ABCC11: variants seen among roughly 807,000 people sequenced by gnomAD.
ABCC11 encodes ATP binding cassette subfamily C member 11.
Under a neutral mutation model 149.3 loss-of-function variants are expected in ABCC11, and 135 were observed. The ratio of observed to expected loss-of-function variants is 0.90; its 90% CI spans 0.79 to 1.04. The LOEUF is 1.04. Among genes scored for constraint, ABCC11 ranks in the 50% least tolerant of loss-of-function variants. The pLI is 0.00. For missense variants in ABCC11, 1,680 were observed against 1,722.1 expected, an observed-to-expected ratio of 0.98 and a Z score of 0.43; for synonymous variants, 665 against 671.4, an observed-to-expected ratio of 0.99 and a Z score of 0.15.
intron 23 of ABCC11, 105 bp downstream of exon 23, chr16:48,184,335 C>A: frequency 7.3e-7 from 1 of 1,375,254 alleles, no homozygotes; most frequent in Non-Finnish European, 9.9e-7. Flanking sequence ...GTGGCCAGAG[C>A]CTAAGGTGTC....
chr16:48,184,467 T>C lies in ABCC11; in HGVS notation c.3231A>G (p.Lys1077=). 1.2e-6 allele frequency: 2 copies of C among 1,614,140 alleles called. No homozygotes were observed. The highest frequency in any genetic ancestry group is 1.7e-6 in the Non-Finnish European group (2 of 1,180,016). The change falls in exon 23 of 30, where the codon AAA becomes AAG. Residue 1077 remains lysine, a synonymous_variant. Transcript: ENST00000356608. ...FGISSTPYSF[K]VMAVNIVLQL... is the part of the protein sequence containing the mutation. Reference sequence around the variant, plus strand: ...GCAGCACGATGTTGACAGCCATGACTTTAAAGGAGTAGGGGGTGGAGGAAA... The same window carrying C: ...GCAGCACGATGTTGACAGCCATGACCTTAAAGGAGTAGGGGGTGGAGGAAA...
Position 48,200,378 on chromosome 16 carries a change from G to C in ABCC11, c.1980C>G (p.Pro660=). The change falls in exon 15 of 30, where the codon CCC becomes CCG. Residue 660 remains proline (P), a synonymous_variant. Transcript: ENST00000356608. ...SDRQIYLLDD[P]LSAVDAHVGK... is the part of the protein sequence containing the mutation. ...CCACGTGGGCGTCCACAGCAGACAG[G>C]GGGTCGTCCAGCAGGTAGATCTGAC... 1 of 1,614,246 alleles carries C rather than the reference G, an allele frequency of 6.2e-7. No homozygotes were observed. The highest frequency in any genetic ancestry group is 8.5e-7 in the Non-Finnish European group (1 of 1,180,044).
At chr16:48,220,858 GAGAC>G (rs1969687446) in intron 6 of ABCC11, among the ~76,000 whole-genome samples, 1 of 152,208 alleles carries the variant, frequency 6.6e-6, no homozygotes, top group African/African-American at 2.4e-5. Flanking sequence ...GGCCTTTTGA[GAGAC>G]AGAGTGGTGA....
In ABCC11 at chr16:48,166,215, G is replaced by A. The variant is rs1376057376; in HGVS notation, c.*1059C>T. 6.6e-6 allele frequency among the ~76,000 whole-genome samples: 1 copy of A among 152,202 alleles called. No homozygotes were observed. The highest frequency in any genetic ancestry group is 2.4e-5 in the African/African-American group (1 of 41,444). On this transcript the variant is annotated 3_prime_UTR_variant, in exon 30 of 30. Transcript: ENST00000356608. Reference sequence around the variant, plus strand: ...CCTGGCAAATCACAGTATGCCAACAGCCTAGCACATGATTGATCAGGAACA... The same window carrying A: ...CCTGGCAAATCACAGTATGCCAACAACCTAGCACATGATTGATCAGGAACA...
Position 48,244,889 on chromosome 16 carries a change from T to C in ABCC11, c.-19+2425A>G, listed in dbSNP as rs184304392. On this transcript the variant is annotated intron_variant, in intron 1 of 29. Transcript: ENST00000356608. ...CTGGATAATTTAATTTGAATCCTCTTCCCCCTCTCCGCAATTCCTCGCCCT... is the reference window on the plus strand; with the variant it reads ...CTGGATAATTTAATTTGAATCCTCTCCCCCCTCTCCGCAATTCCTCGCCCT... 3.4e-3 allele frequency among the ~76,000 whole-genome samples: 523 copies of C among 152,276 alleles called. 2 individuals are homozygous for C. The highest frequency in any genetic ancestry group is 0.012 in the African/African-American group (500 of 41,550).
chr16:48,235,677 G>A (rs1032354335), intron 1 of ABCC11, among the ~76,000 whole-genome samples: 1 of 152,108 alleles, frequency 6.6e-6, no homozygotes, highest in South Asian at 2.1e-4. Context: ...TTCTCTTTCC[G>A]GAAGAAAATG....
rs1419932667 is a variant in ABCC11, at chr16:48,198,148, G to T, written c.2210C>A (p.Ala737Asp). 6.2e-7 allele frequency: 1 copy of T among 1,614,154 alleles called. No homozygotes were observed. Among genetic ancestry groups the T allele is most frequent in the Non-Finnish European group, 8.5e-7 (1 of 1,180,022 alleles). Reference sequence around the variant, plus strand: ...CAGTGGGGCAGGACTCACCGAAGTGGCTTCCTTGTGCATCTTCTGGATAAG... The same window carrying T: ...CAGTGGGGCAGGACTCACCGAAGTGTCTTCCTTGTGCATCTTCTGGATAAG... ...AQLIQKMHKE[A>D]TSDMLQDTAK... is the part of the protein sequence containing the mutation. The change falls in exon 16 of 30, where the codon GCC becomes GAC. Residue 737 changes from alanine (A) to aspartate (D), a missense_variant. Transcript: ENST00000356608.
In ABCC11 at chr16:48,214,314, G is replaced by A. The variant is rs1174772926; in HGVS notation, c.1248+567C>T. Reference sequence around the variant, plus strand: ...GTGCATGCCTGAGCCAAGCAGAGGGGCCAGCCATCTGGGGCACACACAACC... The same window carrying A: ...GTGCATGCCTGAGCCAAGCAGAGGGACCAGCCATCTGGGGCACACACAACC... On this transcript the variant is annotated intron_variant, in intron 9 of 29. Transcript: ENST00000356608. Among the ~76,000 whole-genome samples, 3 of 152,124 alleles carry A rather than the reference G, an allele frequency of 2.0e-5. No individual in the cohort carries two copies. The East Asian group carries it at 5.8e-4, about 30-fold the overall frequency.
At chr16:48,242,313 C>T (rs1971008467) in intron 1 of ABCC11, among the ~76,000 whole-genome samples, 1 of 152,142 alleles carries the variant, frequency 6.6e-6, no homozygotes, top group Admixed American at 6.5e-5. Flanking sequence ...CATCAGTGGC[C>T]ATCAGAGAAA....
At chr16:48,168,958 G>C (rs1051241109) in intron 28 of ABCC11, among the ~76,000 whole-genome samples, 6 of 152,306 alleles carry the variant, frequency 3.9e-5, no homozygotes, top group African/African-American at 1.2e-4. Context: ...TTAAAACCTA[G>C]ATGATGGGTT....
chr16:48,244,281 G>A, intron 1 of ABCC11: 1 of 766,254 alleles, frequency 1.3e-6, no homozygotes, highest in South Asian at 2.0e-5. Flanking sequence ...CGCGTAGCCG[G>A]AAGCGGAGGC....
At chr16:48,237,850 C>T (rs1970764083) in intron 1 of ABCC11, among the ~76,000 whole-genome samples, 1 of 152,190 alleles carries the variant, frequency 6.6e-6, no homozygotes, top group African/African-American at 2.4e-5. Context: ...TGGCCCCCAC[C>T]CCCTAATCTT....
chr16:48,198,016 G>A lies in ABCC11; in HGVS notation c.2269C>T (p.Gln757Ter). Residue 757 changes from glutamine (Q) to a stop codon, truncating the protein, a stop_gained, in exon 17 of 30, where the codon CAG becomes TAG. Transcript: ENST00000356608. LOFTEE classifies it high-confidence loss of function. ...TCTTCCAGGGAGGTGGCCAGAGCCT[G>A]ACTTTCTACCTTTGGCTTCTCTGCT... ...KIAEKPKVESQALATSLEESL... is the reference protein window; with the variant it reads ...KIAEKPKVES The A allele has an allele frequency of 1.2e-6, 2 of 1,614,184 alleles. No homozygotes were observed. The highest frequency in any genetic ancestry group is 8.5e-7 in the Non-Finnish European group (1 of 1,180,038).
chr16:48,245,864 A>G (rs190712154), intron 1 of ABCC11, among the ~76,000 whole-genome samples: 39 of 152,076 alleles, frequency 2.6e-4, no homozygotes, highest in African/African-American at 8.7e-4. Flanking sequence ...CTCAACAAGT[A>G]TCTTCAAACT....
Position 48,195,670 on chromosome 16 carries a change from G to T in ABCC11, c.2404+562C>A, listed in dbSNP as rs560694447. On this transcript the variant is annotated intron_variant, in intron 18 of 29. Transcript: ENST00000356608. ...AGGCAGTAGCTTTGAACTTCTAATT[G>T]CCCTCTGCCTGCCTTAAGAAATAAA... 2.6e-5 allele frequency among the ~76,000 whole-genome samples: 4 copies of T among 152,222 alleles called. No homozygotes were observed. The South Asian group carries it at 8.3e-4, about 32-fold the overall frequency.
intron 27 of ABCC11, 82 bp from the exon 28 acceptor site, chr16:48,170,300 G>A (rs759330640): frequency 8.3e-6 from 9 of 1,079,566 alleles, no homozygotes; most frequent in Admixed American, 5.4e-5. Context: ...ATCTTCCGCT[G>A]TATTGGCAAC....
In ABCC11 at chr16:48,187,341, G is replaced by T. The variant is rs189467834; in HGVS notation, c.2793C>A (p.Asp931Glu). 1 of 1,614,216 alleles carries T rather than the reference G, an allele frequency of 6.2e-7. No individual in the cohort carries two copies. The highest frequency in any genetic ancestry group is 2.2e-5 in the East Asian group (1 of 44,886). Residue 931 changes from aspartate to glutamate, a missense_variant, in exon 21 of 30, where the codon GAC becomes GAA. Physicochemically the swap from Asp to Glu is conservative, Grantham distance 45. Coordinates refer to ENST00000356608, the MANE Select transcript of ABCC11 (RefSeq NM_001370497.1). ...NCFAGDLEQL[D>E]QLLPIFSEQF... Reference sequence around the variant, plus strand: ...GCTCTGAAAAGATGGGCAAGAGCTGGTCCAGCTGTTCCAAGTCCCCTGCGA... The same window carrying T: ...GCTCTGAAAAGATGGGCAAGAGCTGTTCCAGCTGTTCCAAGTCCCCTGCGA...
At chr16:48,191,080 G>A (rs1966885589) in intron 20 of ABCC11, among the ~76,000 whole-genome samples, 1 of 152,164 alleles carries the variant, frequency 6.6e-6, no homozygotes, top group South Asian at 2.1e-4. Context: ...CTGTACCATG[G>A]ATACATGTCA....
In ABCC11 at chr16:48,186,978, C is replaced by A. The variant is rs1966784193; in HGVS notation, c.3046G>T (p.Gly1016Ter). 2 of 1,614,116 alleles carry A rather than the reference C, an allele frequency of 1.2e-6. No homozygotes were observed. The highest frequency in any genetic ancestry group is 1.7e-6 in the Non-Finnish European group (2 of 1,180,030). The change falls in exon 22 of 30, where the codon GGA becomes TGA. Residue 1016 changes from glycine (G) to a stop codon, truncating the protein, a stop_gained. Coordinates refer to ENST00000356608, the MANE Select transcript of ABCC11 (RefSeq NM_001370497.1). LOFTEE classifies it high-confidence loss of function. ...TGGCTGATGAAGTCTTCAGTTTTTC[C>A]ATAGACATGGATGGAGCTCAGGCCT... ...LQGLSSIHVY[G>*]KTEDFISQFK...
Sources: allele counts gnomAD v4.1 joint callset (sites outside exome capture counted in the v4.1 genomes callset), GRCh38; gene constraint gnomAD v4.1.1; transcripts MANE v1.5; gene names NCBI Gene and HGNC (gene_info 2026-07-23, HGNC 2026-07-21).